Variants in MED12L observed in about 807,000 individuals in gnomAD.
MED12L encodes mediator of RNA polymerase II transcription subunit 12-like protein.
MED12L carries 60 observed loss-of-function variants against 281.3 expected under a neutral mutation model. The observed-to-expected ratio is 0.21, with a 90% CI of 0.17 to 0.26. The LOEUF (loss-of-function observed/expected upper bound fraction) is 0.26. MED12L is among the 10% of genes least tolerant of loss of function. MED12L has a pLI of 1.00. For missense variants in MED12L, 2,146 were observed against 2,680.9 expected (o/e 0.80, Z 4.41); for synonymous variants, 974 against 987.2 (o/e 0.99, Z 0.25).
chr3:151,311,394 A>G (rs1188362364), intron 16 of MED12L, among the ~76,000 whole-genome samples: 3 of 152,112 alleles, frequency 2.0e-5, no homozygotes, highest in African/African-American at 7.2e-5. Context: ...GTTTTAGGGT[A>G]AAGGGAATAT....
chr3:151,422,953 G>GTTTT (rs61502768), intron 43 of MED12L, among the ~76,000 whole-genome samples: 7 of 141,062 alleles, frequency 5.0e-5, no homozygotes, highest in Middle Eastern at 3.7e-3. Flanking sequence ...ACAGAACTAG[G>GTTTT]TTTTTTTTTT....
chr3:151,243,025 GATGAAATGA>G (rs1734540354), intron 16 of MED12L, among the ~76,000 whole-genome samples: 1 of 151,710 alleles, frequency 6.6e-6, no homozygotes, highest in African/African-American at 2.4e-5. Flanking sequence ...AGCGATGGAA[GATGAAATGA>G]ATGAAATGAA....
chr3:151,107,589 G>T (rs544457356), intron 2 of MED12L, among the ~76,000 whole-genome samples: 1 of 152,240 alleles, frequency 6.6e-6, no homozygotes, highest in South Asian at 2.1e-4. Flanking sequence ...GGGTGGGAAT[G>T]GCATGATGTA....
rs549671967 is a variant in MED12L, at chr3:151,295,306, G to C, written c.2251-54753G>C. Reference sequence around the variant, plus strand: ...ACAGACCCAACTTTTTGTTATTTCAGGTGAACTTAAAGATGTCATCAATGA... The same window carrying C: ...ACAGACCCAACTTTTTGTTATTTCACGTGAACTTAAAGATGTCATCAATGA... On this transcript the variant is annotated intron_variant, in intron 16 of 44. Transcript: ENST00000687756. 50 of 731,326 alleles carry C rather than the reference G, an allele frequency of 6.8e-5. No homozygotes were observed. In the African/African-American group the frequency reaches 8.2e-4, roughly 12 times the overall value. 45.3% of individuals were successfully genotyped at this position (731,326 alleles called of 1,614,324 possible).
At chr3:151,131,857 A>G (rs1715449433) in intron 5 of MED12L, among the ~76,000 whole-genome samples, 1 of 151,664 alleles carries the variant, frequency 6.6e-6, no homozygotes. Flanking sequence ...TTGGAGGGTT[A>G]TTTTTCTCCC....
At chr3:151,112,461 G>A (rs953438033) in intron 2 of MED12L, among the ~76,000 whole-genome samples, 1 of 152,082 alleles carries the variant, frequency 6.6e-6, no homozygotes, top group Non-Finnish European at 1.5e-5. Context: ...TTAAGAGGCT[G>A]ATTGTGACTC....
chr3:151,088,564 A>T (rs1418309154), intron 2 of MED12L, among the ~76,000 whole-genome samples: 1 of 152,186 alleles, frequency 6.6e-6, no homozygotes, highest in East Asian at 1.9e-4. Flanking sequence ...AATTGATGGC[A>T]TGATGGCTTG....
At chr3:151,107,484 A>T (rs139581447) in intron 2 of MED12L, among the ~76,000 whole-genome samples, 1 of 152,174 alleles carries the variant, frequency 6.6e-6, no homozygotes, top group African/African-American at 2.4e-5. Flanking sequence ...CAGAGTCTGT[A>T]TGCATAATTA....
At chr3:151,383,127 A>C (rs1712697253) in intron 33 of MED12L, among the ~76,000 whole-genome samples, 1 of 152,240 alleles carries the variant, frequency 6.6e-6, no homozygotes, top group Non-Finnish European at 1.5e-5. Flanking sequence ...ACTTTCCATC[A>C]AATTGATTAT....
At chr3:151,303,998 G>A (rs1746295879) in intron 16 of MED12L, among the ~76,000 whole-genome samples, 1 of 152,164 alleles carries the variant, frequency 6.6e-6, no homozygotes, top group Non-Finnish European at 1.5e-5. Context: ...AGTGACATAG[G>A]ACAGCAAAGT....
At chr3:151,380,552 G>A (rs984710102) in intron 32 of MED12L, among the ~76,000 whole-genome samples, 9 of 149,476 alleles carry the variant, frequency 6.0e-5, no homozygotes, top group South Asian at 2.1e-4. Context: ...AGCTGAGATC[G>A]CGCCATTGCA....
rs376057002 is a variant in MED12L, at chr3:151,236,009, A to G, written c.2250+42343A>G. Among the ~76,000 whole-genome samples the G allele has an allele frequency of 3.9e-5, 6 of 152,226 alleles. No individual in the cohort carries two copies. The South Asian group carries it at 6.2e-4, about 16-fold the overall frequency. On this transcript the variant is annotated intron_variant, in intron 16 of 44. Coordinates refer to ENST00000687756, the MANE Select transcript of MED12L (RefSeq NM_001393769.1). ...ATGACTTTCAATGGCAAAAACTGCA[A>G]TTACTTTTGCACCAATCTAATATTT... is the stretch of plus-strand genomic sequence containing the variant.
intron 21 of MED12L, 87 bp downstream of exon 21, chr3:151,360,692 A>T: frequency 8.1e-7 from 1 of 1,231,630 alleles, no homozygotes; most frequent in Non-Finnish European, 1.1e-6. Flanking sequence ...CTTTTGAATA[A>T]TGAAAGCTAA....
At chr3:151,155,325 C>T (rs1479627669) in intron 5 of MED12L, among the ~76,000 whole-genome samples, 1 of 152,224 alleles carries the variant, frequency 6.6e-6, no homozygotes, top group Non-Finnish European at 1.5e-5. Context: ...TCATGGTTGC[C>T]AGAGGCAACA....
intron 5 of MED12L, among the ~76,000 whole-genome samples, chr3:151,140,438 A>G (rs1372808667): frequency 1.3e-5 from 2 of 152,080 alleles, no homozygotes; most frequent in African/African-American, 4.8e-5. Context: ...CTGCCATCAT[A>G]CTTTGCTGAT....
At chr3:151,380,951 T>C (rs893062149) in intron 32 of MED12L, among the ~76,000 whole-genome samples, 3 of 152,206 alleles carry the variant, frequency 2.0e-5, no homozygotes, top group Non-Finnish European at 4.4e-5. Flanking sequence ...GTTGTATTGA[T>C]GCCAACCAAG....
rs559889203 is a variant in MED12L, at chr3:151,380,018, A to G, written c.4479-95A>G. ...TCTTTGGCTATTTACCACCTCTCTT[A>G]TTTATCTAATAGTGAGGCAAAGAAA... On this transcript the variant is annotated intron_variant, in intron 31 of 44. Coordinates refer to ENST00000687756, the MANE Select transcript of MED12L (RefSeq NM_001393769.1). 272 of 744,574 alleles carry G rather than the reference A, an allele frequency of 3.7e-4. 2 individuals are homozygous for G. In the African/African-American group the frequency reaches 4.4e-3, roughly 12 times the overall value. The allele number at this position is 744,574 out of a possible 1,614,324, so 46.1% of individuals were successfully genotyped here. A position where few individuals can be genotyped will look rare whatever the true frequency, so the allele number is the denominator to read the frequency against.
rs750001577 is a variant in MED12L, at chr3:151,122,864, G to A, written c.286G>A (p.Val96Ile). Reference protein sequence around the residue: ...FQDTGKKKPQVNAKDNYWLVT... With the variant: ...FQDTGKKKPQINAKDNYWLVT... ...GGACACGGGAAAGAAGAAACCACAA[G>A]TTAATGCTAAAGATAATTATTGGCT... is the stretch of plus-strand genomic sequence containing the variant. The change falls in exon 4 of 45, where the codon GTT (valine) becomes ATT (isoleucine). Residue 96 changes from valine to isoleucine, a missense_variant. By Grantham distance (29) the Val-to-Ile change is conservative. Transcript: ENST00000687756. 1 of 1,612,720 alleles carries A rather than the reference G, an allele frequency of 6.2e-7. No individual in the cohort carries two copies. Among genetic ancestry groups the A allele is most frequent in the South Asian group, 1.1e-5 (1 of 90,786 alleles).
At chr3:151,371,069 C>T (rs941993745) in intron 26 of MED12L, among the ~76,000 whole-genome samples, 1 of 152,202 alleles carries the variant, frequency 6.6e-6, no homozygotes, top group Non-Finnish European at 1.5e-5. Flanking sequence ...CTCATACCTT[C>T]TCTGTTGTCC....
Sources: allele counts gnomAD v4.1 joint callset (sites outside exome capture counted in the v4.1 genomes callset), GRCh38; gene constraint gnomAD v4.1.1; transcripts MANE v1.5; gene names NCBI Gene and HGNC (gene_info 2026-07-23, HGNC 2026-07-21).